The following IQCE variants were observed in gnomAD, a reference collection of about 807,000 sequenced individuals.
The protein encoded by IQCE is IQ domain-containing protein E.
In IQCE, 115 loss-of-function variants were observed where a neutral mutation model predicts 96.0. The observed-to-expected ratio is 1.20, with a 90% CI of 1.03 to 1.40. The LOEUF (loss-of-function observed/expected upper bound fraction) is 1.40. Among genes scored for constraint, IQCE ranks in the 40% most tolerant of loss-of-function variants. The pLI is 0.00. For missense variants in IQCE, 1,041 were observed against 909.1 expected (o/e 1.15, Z -1.87); for synonymous variants, 412 against 371.2 (o/e 1.11, Z -1.26).
intron 21 of IQCE, among the ~76,000 whole-genome samples, 192 bp from the exon 22 acceptor site, chr7:2,609,852 G>C (rs1256741832): frequency 1.3e-5 from 2 of 152,078 alleles, no homozygotes; most frequent in African/African-American, 4.8e-5. Context: ...AGTTGGTCCT[G>C]AGGGCGGAGA....
intron 2 of IQCE, among the ~76,000 whole-genome samples, chr7:2,568,063 G>A (rs1250856211): frequency 6.6e-6 from 1 of 152,184 alleles, no homozygotes; most frequent in Non-Finnish European, 1.5e-5. Flanking sequence ...AGGAAGTTAA[G>A]GTTGGAAGCA....
At chr7:2,560,955 CAAAAAA>C (rs746886884) in intron 1 of IQCE, among the ~76,000 whole-genome samples, 3 of 58,786 alleles carry the variant, frequency 5.1e-5, no homozygotes, top group Non-Finnish European at 6.9e-5. Context: ...GACTCTGTCT[CAAAAAA>C]AAAAAAAAAA....
In IQCE at chr7:2,582,356, C is replaced by T. The variant is rs114337414; in HGVS notation, c.631-224C>T. 9.5e-3 allele frequency among the ~76,000 whole-genome samples: 1,448 copies of T among 152,316 alleles called. 19 individuals carry two copies. Among genetic ancestry groups the T allele is most frequent in the African/African-American group, 0.033 (1,375 of 41,564 alleles). On this transcript the variant is annotated intron_variant, in intron 8 of 21. Coordinates refer to ENST00000402050, the MANE Select transcript of IQCE (RefSeq NM_152558.5). ...GTGTGCCCACGATGGCTGCCACCTC[C>T]TGCTCCAGCCGGTGTCGCACCCCTG...
intron 8 of IQCE, among the ~76,000 whole-genome samples, chr7:2,579,481 T>C (rs971671201): frequency 2.6e-5 from 4 of 151,738 alleles, no homozygotes; most frequent in African/African-American, 4.8e-5. Context: ...GTTTAGAAAA[T>C]ACAAAAAAAA....
chr7:2,563,249 T>G (rs1781100040), intron 1 of IQCE, among the ~76,000 whole-genome samples: 1 of 152,042 alleles, frequency 6.6e-6, no homozygotes, highest in Non-Finnish European at 1.5e-5. Flanking sequence ...GCGCCTGGAG[T>G]GCAGTGGTGC....
chr7:2,575,402 G>T lies in IQCE; in HGVS notation c.465+1914G>T, dbSNP rs1782044620. On this transcript the variant is annotated intron_variant, in intron 6 of 21. Coordinates refer to ENST00000402050, the MANE Select transcript of IQCE (RefSeq NM_152558.5). Reference sequence around the variant, plus strand: ...GATGCCGCCCTAGCTAGGAGGGAAGGTGCTGACACCGCCCTAGCTGGGAGG... The same window carrying T: ...GATGCCGCCCTAGCTAGGAGGGAAGTTGCTGACACCGCCCTAGCTGGGAGG... Among the ~76,000 whole-genome samples the T allele has an allele frequency of 2.0e-5, 3 of 152,230 alleles. No homozygotes were observed. The South Asian group carries it at 6.2e-4, about 31-fold the overall frequency.
intron 8 of IQCE, among the ~76,000 whole-genome samples, chr7:2,579,069 T>C (rs572557132): frequency 9.5e-4 from 140 of 147,666 alleles, no homozygotes; most frequent in African/African-American, 3.4e-3. Flanking sequence ...GTGCTACAGA[T>C]GTAAATCAGG....
At chr7:2,605,636 G>GTACA (rs1554319662) in intron 19 of IQCE, among the ~76,000 whole-genome samples, 1 of 148,832 alleles carries the variant, frequency 6.7e-6, no homozygotes, top group African/African-American at 2.5e-5. Context: ...AAATAAATAA[G>GTACA]TAAATAAATA....
chr7:2,605,140 G>A, intron 19 of IQCE, 149 bp downstream of exon 19: 1 of 621,376 alleles, frequency 1.6e-6, no homozygotes, highest in Non-Finnish European at 2.9e-6. Context: ...TGGCCACGCA[G>A]GCCATGCAGG....
At chr7:2,599,473 G>A (rs1377123437) in intron 17 of IQCE, among the ~76,000 whole-genome samples, 2 of 152,174 alleles carry the variant, frequency 1.3e-5, no homozygotes, top group South Asian at 2.1e-4. Flanking sequence ...CAGGATTACA[G>A]GCATGAGCTA....
At chr7:2,607,655 C>G in intron 21 of IQCE, 1 of 719,024 alleles carries the variant, frequency 1.4e-6, no homozygotes, top group East Asian at 6.5e-5. Context: ...CTGCTCTGCC[C>G]GGAGCTGACG....
chr7:2,604,976 A>G lies in IQCE; in HGVS notation c.1728A>G (p.Pro576=), dbSNP rs1278365525. 1 of 1,612,652 alleles carries G rather than the reference A, an allele frequency of 6.2e-7. No individual in the cohort carries two copies. The highest frequency in any genetic ancestry group is 8.5e-7 in the Non-Finnish European group (1 of 1,179,250). The change falls in exon 19 of 22, where the codon CCA becomes CCG. Residue 576 remains proline, a synonymous_variant. Coordinates refer to ENST00000402050, the MANE Select transcript of IQCE (RefSeq NM_152558.5). ...KAHGSEPPSV[P]GLPDQSSPVP... Reference sequence around the variant, plus strand: ...ATGGCTCAGAGCCACCCAGCGTGCCAGGCCTCCCAGACCAGGTAATGTCGG... The same window carrying G: ...ATGGCTCAGAGCCACCCAGCGTGCCGGGCCTCCCAGACCAGGTAATGTCGG...
At chr7:2,591,839 C>T (rs1055383588) in intron 14 of IQCE, among the ~76,000 whole-genome samples, 3 of 152,166 alleles carry the variant, frequency 2.0e-5, no homozygotes, top group African/African-American at 7.2e-5. Flanking sequence ...CAGGCTGAGT[C>T]TGGAACTCCT....
At chr7:2,587,939 G>T in intron 13 of IQCE, 62 bp downstream of exon 13, 1 of 1,480,268 alleles carries the variant, frequency 6.8e-7, no homozygotes, top group Non-Finnish European at 9.4e-7. Flanking sequence ...GTGGGGACGG[G>T]CTCACAGGGT....
Position 2,607,137 on chromosome 7 carries a change from A to G in IQCE, c.1879A>G (p.Arg627Gly). 1 of 1,601,606 alleles carries G rather than the reference A, an allele frequency of 6.2e-7. No homozygotes were observed. The highest frequency in any genetic ancestry group is 8.5e-7 in the Non-Finnish European group (1 of 1,175,184). Residue 627 changes from arginine to glycine, a missense_variant, in exon 21 of 22, where the codon AGA becomes GGA. Arg to Gly is a moderately radical substitution (Grantham distance 125, BLOSUM62 -2). Transcript: ENST00000402050. Reference sequence around the variant, plus strand: ...GTTTTTTTCCAGTGCTACCGGTAAAAGAACCACCACCGCAGCTTCTACCAG... The same window carrying G: ...GTTTTTTTCCAGTGCTACCGGTAAAGGAACCACCACCGCAGCTTCTACCAG... ...ARARHSATGK[R>G]TTTAASTRRR...
Position 2,576,577 on chromosome 7 carries a change from T to G in IQCE, c.466-1665T>G, listed in dbSNP as rs188404288. 1.2e-4 allele frequency among the ~76,000 whole-genome samples: 18 copies of G among 152,170 alleles called. No individual in the cohort carries two copies. The East Asian group carries it at 2.9e-3, about 25-fold the overall frequency. On this transcript the variant is annotated intron_variant, in intron 6 of 21. Transcript: ENST00000402050. ...ACCACACCTGGCTAATTTTTTGTAT[T>G]TTTTGTAGAGATGGGGTTTCACCGT... is the stretch of plus-strand genomic sequence containing the variant.
In IQCE at chr7:2,568,970, C is replaced by CT; in HGVS notation, c.104dup (p.His36ProfsTer15). 2.5e-6 allele frequency: 4 copies of CT among 1,613,750 alleles called. No individual in the cohort carries two copies. Among genetic ancestry groups the CT allele is most frequent in the Non-Finnish European group, 3.4e-6 (4 of 1,180,012 alleles). ...TTCTTTCAGAAAGCAAAAAGGAAAG[C>CT]TTTCCACAAACCTCCACCCACATCG... is the stretch of plus-strand genomic sequence containing the variant. On this transcript the variant is annotated frameshift_variant, in exon 3 of 22. Transcript: ENST00000402050. LOFTEE classifies it high-confidence loss of function.
At chr7:2,586,411 AT>A (rs1783118603) in intron 12 of IQCE, 40 bp downstream of exon 12, 2 of 100,738 alleles carry the variant, frequency 2.0e-5, no homozygotes, top group African/African-American at 8.3e-4. Flanking sequence ...AGGCCAGGGA[AT>A]GGCAGGGAAT....
At chr7:2,603,089 C>T (rs1442826936) in intron 18 of IQCE, among the ~76,000 whole-genome samples, 1 of 152,190 alleles carries the variant, frequency 6.6e-6, no homozygotes, top group East Asian at 1.9e-4. Context: ...ATACCCATCT[C>T]ACACATCTGC....
Sources: allele counts gnomAD v4.1 joint callset (sites outside exome capture counted in the v4.1 genomes callset), GRCh38; gene constraint gnomAD v4.1.1; transcripts MANE v1.5; gene names NCBI Gene and HGNC (gene_info 2026-07-23, HGNC 2026-07-21).